Variants in NTNG1 observed in about 807,000 individuals in gnomAD.
The protein encoded by NTNG1 is netrin-G1.
Under a neutral mutation model 54.0 loss-of-function variants are expected in NTNG1, and 16 were observed. The ratio of observed to expected loss-of-function variants is 0.30; its 90% CI spans 0.20 to 0.45. NTNG1 has a LOEUF of 0.45. Among genes scored for constraint, NTNG1 ranks in the 20% least tolerant of loss-of-function variants. The pLI, the probability that NTNG1 is intolerant of heterozygous loss-of-function variation, is 1.00. For missense variants in NTNG1, 530 were observed against 678.7 expected, an observed-to-expected ratio of 0.78 and a Z score of 2.43; for synonymous variants, 255 against 263.1, an observed-to-expected ratio of 0.97 and a Z score of 0.30.
At chr1:107,480,576 G>GCCCCCCCCCCC in intron 7 of NTNG1, 35 bp from the exon 8 acceptor site, 5 of 339,082 alleles carry the variant, frequency 1.5e-5, no homozygotes, top group Non-Finnish European at 1.7e-5. Flanking sequence ...TCCTCCCCGC[G>GCCCCCCCCCCC]CCCACCCACC....
At chr1:107,361,444 CA>C (rs1670299753) in intron 3 of NTNG1, among the ~76,000 whole-genome samples, 1 of 135,446 alleles carries the variant, frequency 7.4e-6, no homozygotes. Context: ...GGCTGGAGTG[CA>C]ATGGCGTGAT....
Position 107,221,724 on chromosome 1 carries a change from A to G in NTNG1, c.246+72885A>G, listed in dbSNP as rs1660362287. ...TGGCTGGCACCTGGTATGTGCTTGA[A>G]CCAGTGCATACTAAGGGATGTGAGC... On this transcript the variant is annotated intron_variant, in intron 2 of 7. Transcript: ENST00000370068. 5.3e-5 allele frequency among the ~76,000 whole-genome samples: 8 copies of G among 152,304 alleles called. No homozygotes were observed. The South Asian group carries it at 1.7e-3, about 32-fold the overall frequency.
intron 2 of NTNG1, among the ~76,000 whole-genome samples, chr1:107,150,012 C>T (rs964108395): frequency 4.6e-5 from 7 of 152,216 alleles, no homozygotes; most frequent in Admixed American, 1.3e-4. Context: ...GGTTTTGTAA[C>T]AGGAAACAAT....
chr1:107,271,552 A>G (rs1664144935), intron 2 of NTNG1, among the ~76,000 whole-genome samples: 1 of 152,262 alleles, frequency 6.6e-6, no homozygotes, highest in Non-Finnish European at 1.5e-5. Flanking sequence ...AACCCAGACC[A>G]GCGAAGAATA....
chr1:107,403,372 C>G (rs1358587529), intron 4 of NTNG1, among the ~76,000 whole-genome samples: 1 of 152,002 alleles, frequency 6.6e-6, no homozygotes, highest in Non-Finnish European at 1.5e-5. Context: ...CTAGAAGAAG[C>G]GTTATTATTA....
chr1:107,401,439 T>C (rs1673033347), intron 4 of NTNG1, among the ~76,000 whole-genome samples: 1 of 152,176 alleles, frequency 6.6e-6, no homozygotes, highest in African/African-American at 2.4e-5. Context: ...TCAACATCTT[T>C]AGGATTTTAC....
chr1:107,335,571 G>C (rs1419287047), intron 3 of NTNG1, among the ~76,000 whole-genome samples: 2 of 151,844 alleles, frequency 1.3e-5, no homozygotes, highest in Non-Finnish European at 2.9e-5. Context: ...CTAATTATGA[G>C]AAGGAGGAAA....
chr1:107,436,889 A>T, intron 7 of NTNG1, 90 bp downstream of exon 7: 3 of 1,209,928 alleles, frequency 2.5e-6, no homozygotes, highest in Non-Finnish European at 3.5e-6. Context: ...TCAGAGCAGA[A>T]AAAGATCCAA....
intron 3 of NTNG1, among the ~76,000 whole-genome samples, chr1:107,391,081 T>G (rs1274142575): frequency 6.6e-6 from 1 of 151,982 alleles, no homozygotes; most frequent in African/African-American, 2.4e-5. Context: ...ATCAAAGAGG[T>G]AGGAATAGGA....
intron 2 of NTNG1, among the ~76,000 whole-genome samples, chr1:107,154,550 C>A (rs1654818024): frequency 7.9e-6 from 1 of 126,724 alleles, no homozygotes; most frequent in Non-Finnish European, 1.6e-5. Flanking sequence ...GAGCCAAGAT[C>A]ATGCCACTGC....
At chr1:107,316,377 G>A (rs748856639) in intron 2 of NTNG1, among the ~76,000 whole-genome samples, 4 of 152,234 alleles carry the variant, frequency 2.6e-5, no homozygotes, top group Non-Finnish European at 4.4e-5. Context: ...AAAATGACTA[G>A]TTTTTCTTCA....
At chr1:107,338,925 T>C (rs950802453) in intron 3 of NTNG1, among the ~76,000 whole-genome samples, 1 of 151,778 alleles carries the variant, frequency 6.6e-6, no homozygotes, top group Non-Finnish European at 1.5e-5. Context: ...CAAAAATATA[T>C]TGTTTTTCTT....
intron 2 of NTNG1, among the ~76,000 whole-genome samples, chr1:107,258,553 C>G (rs1382111475): frequency 6.6e-6 from 1 of 152,146 alleles, no homozygotes; most frequent in Admixed American, 6.5e-5. Flanking sequence ...TGCCAGCATT[C>G]TTCCATGTAT....
intron 3 of NTNG1, among the ~76,000 whole-genome samples, chr1:107,358,858 G>A (rs2100936320): frequency 6.6e-6 from 1 of 152,296 alleles, no homozygotes; most frequent in South Asian, 2.1e-4. Flanking sequence ...TGAAGTCTGT[G>A]CCTTGAACTG....
At chr1:107,459,685 A>G (rs2101533868) in intron 7 of NTNG1, among the ~76,000 whole-genome samples, 1 of 152,342 alleles carries the variant, frequency 6.6e-6, no homozygotes, top group East Asian at 1.9e-4. Context: ...TTTATTATGC[A>G]TTGATGCTAG....
chr1:107,378,922 T>TCTTA (rs1671475689), intron 3 of NTNG1, among the ~76,000 whole-genome samples: 1 of 152,242 alleles, frequency 6.6e-6, no homozygotes, highest in Non-Finnish European at 1.5e-5. Context: ...CAACCTTGTA[T>TCTTA]CTTACTCTTT....
At chr1:107,353,384 C>T (rs1401633766) in intron 3 of NTNG1, among the ~76,000 whole-genome samples, 2 of 152,290 alleles carry the variant, frequency 1.3e-5, no homozygotes, top group East Asian at 3.9e-4. Context: ...CCACAGATCC[C>T]TAGGGCAGGG....
chr1:107,218,585 G>T (rs1039577183), intron 2 of NTNG1, among the ~76,000 whole-genome samples: 3 of 148,946 alleles, frequency 2.0e-5, no homozygotes, highest in Non-Finnish European at 4.5e-5. Context: ...TTCTATTTTG[G>T]TGTATTTCAC....
chr1:107,441,093 T>C (rs1253483658), intron 7 of NTNG1, among the ~76,000 whole-genome samples: 1 of 152,100 alleles, frequency 6.6e-6, no homozygotes, highest in African/African-American at 2.4e-5. Context: ...AACAGCTAGG[T>C]TCCAGAGAAT....
Sources: allele counts gnomAD v4.1 joint callset (sites outside exome capture counted in the v4.1 genomes callset), GRCh38; gene constraint gnomAD v4.1.1; transcripts MANE v1.5; gene names NCBI Gene and HGNC (gene_info 2026-07-23, HGNC 2026-07-21).